PHF3: variants seen among roughly 807,000 people sequenced by gnomAD.
PHF3 encodes PHD finger protein 3.
In PHF3, 41 loss-of-function variants were observed where a neutral mutation model predicts 178.4. The observed-to-expected ratio is 0.23, with a 90% confidence interval of 0.18 to 0.30. The LOEUF (loss-of-function observed/expected upper bound fraction) is 0.30. Among genes scored for constraint, PHF3 ranks in the 10% least tolerant of loss-of-function variants. The pLI is 1.00. For synonymous variants in PHF3, 842 were observed against 800.5 expected (o/e 1.05, Z -0.88); for missense variants, 2,346 against 2,398.1 (o/e 0.98, Z 0.45).
intron 2 of PHF3, among the ~76,000 whole-genome samples, chr6:63,657,445 CAT>C: frequency 6.6e-6 from 1 of 152,130 alleles, no homozygotes; most frequent in Admixed American, 6.5e-5. Context: ...CTGATTAACA[CAT>C]ATTTTGTACA....
In PHF3 at chr6:63,721,200, AC is replaced by A. The variant is rs776526721; in HGVS notation, c.*7495del. On this transcript the variant is annotated 3_prime_UTR_variant, in exon 16 of 16. Coordinates refer to ENST00000262043, the MANE Select transcript of PHF3 (RefSeq NM_001370348.2). ...AGTTTTGTTTTCACAATACCTTCCC[AC>A]CCAACCCAAAGTACACAGGCAACTG... 7.7e-6 allele frequency: 12 copies of A among 1,551,712 alleles called. No individual in the cohort carries two copies. The South Asian group carries it at 1.3e-4, about 17-fold the overall frequency.
intron 4 of PHF3, among the ~76,000 whole-genome samples, chr6:63,691,109 GAA>G (rs1193870132): frequency 6.6e-6 from 1 of 152,136 alleles, no homozygotes; most frequent in East Asian, 1.9e-4. Flanking sequence ...TAAAAGTACA[GAA>G]AAAGATTCTT....
intron 3 of PHF3, among the ~76,000 whole-genome samples, chr6:63,680,760 G>A (rs1766400565): frequency 6.6e-6 from 1 of 152,122 alleles, no homozygotes; most frequent in South Asian, 2.1e-4. Flanking sequence ...AGATATTTGT[G>A]TATTTCAGGT....
At chr6:63,696,861 G>A (rs1767250310) in intron 6 of PHF3, among the ~76,000 whole-genome samples, 1 of 152,004 alleles carries the variant, frequency 6.6e-6, no homozygotes, top group African/African-American at 2.4e-5. Flanking sequence ...TGGAGCAGTA[G>A]GGAAAAAAAC....
chr6:63,655,938 C>T (rs1042210391), intron 2 of PHF3, among the ~76,000 whole-genome samples: 26 of 152,288 alleles, frequency 1.7e-4, no homozygotes, highest in Admixed American at 1.4e-3. Flanking sequence ...CCACTGTGCC[C>T]GGCCCTGCTT....
chr6:63,714,563 GCTAT>G lies in PHF3; in HGVS notation c.*860_*863del, dbSNP rs1344002786. ...ACTCAGCCAAGAACATATAGAAATA[GCTAT>G]CTATGTCAGGCATTAGATGAGGGGA... is the stretch of plus-strand genomic sequence containing the variant. On this transcript the variant is annotated 3_prime_UTR_variant, in exon 16 of 16. Transcript: ENST00000262043. 4 of 152,422 alleles carry G rather than the reference GCTAT, an allele frequency of 2.6e-5. No individual in the cohort carries two copies. Among genetic ancestry groups the G allele is most frequent in the East Asian group, 1.9e-4 (1 of 5,194 alleles). 9.4% of individuals were successfully genotyped at this position (152,422 alleles called of 1,614,324 possible). A position where few individuals can be genotyped will look rare whatever the true frequency, so the allele number is the denominator to read the frequency against.
At chr6:63,649,552 G>A (rs1165539161) in intron 2 of PHF3, among the ~76,000 whole-genome samples, 1 of 152,132 alleles carries the variant, frequency 6.6e-6, no homozygotes, top group South Asian at 2.1e-4. Flanking sequence ...TTTCGGACCA[G>A]TATTTTTGTT....
chr6:63,662,741 A>G lies in PHF3; in HGVS notation c.244+15946A>G, dbSNP rs558511437. 4.6e-5 allele frequency among the ~76,000 whole-genome samples: 7 copies of G among 152,364 alleles called. No individual in the cohort carries two copies. The South Asian group carries it at 1.5e-3, about 32-fold the overall frequency. Reference sequence around the variant, plus strand: ...ATCGTGAATGACAAATTAGTTATCAAATATGTGCTTACATAACAAGAACGA... The same window carrying G: ...ATCGTGAATGACAAATTAGTTATCAGATATGTGCTTACATAACAAGAACGA... On this transcript the variant is annotated intron_variant, in intron 2 of 15. Coordinates refer to ENST00000262043, the MANE Select transcript of PHF3 (RefSeq NM_001370348.2).
chr6:63,645,177 A>G (rs2149538252), intron 1 of PHF3, among the ~76,000 whole-genome samples: 1 of 152,156 alleles, frequency 6.6e-6, no homozygotes, highest in African/African-American at 2.4e-5. Context: ...TGGGCCTGGC[A>G]GGAAAATTGT....
At chr6:63,700,740 C>T (rs550447041) in intron 9 of PHF3, among the ~76,000 whole-genome samples, 2 of 152,200 alleles carry the variant, frequency 1.3e-5, no homozygotes, top group Non-Finnish European at 2.9e-5. Context: ...CGTGCTGCCA[C>T]GCCCAGTTAA....
At position 63,673,114 on chromosome 6, in the gene PHF3, G is replaced by A. The variant is rs78440967; in HGVS notation, c.245-6886G>A. 6.7e-4 allele frequency among the ~76,000 whole-genome samples: 102 copies of A among 151,436 alleles called. 1 individual carries two copies. In the East Asian group the frequency reaches 0.018, roughly 27 times the overall value. On this transcript the variant is annotated intron_variant, in intron 2 of 15. Coordinates refer to ENST00000262043, the MANE Select transcript of PHF3 (RefSeq NM_001370348.2). ...TTATTCTTTGTTTTGTCTATGCTTG[G>A]GATTTTTTTTTTTAATGTCAACAAT...
intron 2 of PHF3, 84 bp downstream of exon 2, chr6:63,646,879 TTTTTC>T: frequency 9.8e-7 from 1 of 1,018,338 alleles, no homozygotes; most frequent in Admixed American, 4.1e-5. Flanking sequence ...CTTTTTTCTT[TTTTTC>T]TTTTTTTTTT....
rs199651363 is a variant in PHF3, at chr6:63,685,306, G to C, written c.1584G>C (p.Val528=). 2.5e-6 allele frequency: 4 copies of C among 1,613,888 alleles called. No individual in the cohort carries two copies. Among genetic ancestry groups the C allele is most frequent in the Non-Finnish European group, 3.4e-6 (4 of 1,179,990 alleles). ...AAACTAAAGTTAATGTCAAAAGTGT[G>C]AAACGAAATACTGATGTACCAGAAT... ...HSKTKVNVKS[V]KRNTDVPESQ... is the part of the protein sequence containing the mutation. The change falls in exon 4 of 16, where the codon GTG becomes GTC. Residue 528 remains valine (V), a synonymous_variant. Transcript: ENST00000262043.
intron 1 of PHF3, among the ~76,000 whole-genome samples, chr6:63,639,638 A>G (rs1276884601): frequency 6.6e-6 from 1 of 152,162 alleles, no homozygotes; most frequent in Non-Finnish European, 1.5e-5. Flanking sequence ...ATGTAGGAAT[A>G]TTGGGTATGT....
rs1481350200 is a variant in PHF3 at position 63,716,936 on chromosome 6, C to G, written c.*3228C>G. On this transcript the variant is annotated 3_prime_UTR_variant, in exon 16 of 16. Coordinates refer to ENST00000262043, the MANE Select transcript of PHF3 (RefSeq NM_001370348.2). ...CCATCTGTGACCTTAATTCCCTATT[C>G]CCATGTAACCTAACATATTTACAGG... Among the ~76,000 whole-genome samples the G allele has an allele frequency of 1.3e-5, 2 of 152,024 alleles. No individual in the cohort carries two copies. The highest frequency in any genetic ancestry group is 4.8e-5 in the African/African-American group (2 of 41,424).
At chr6:63,704,464 GC>G (rs566086200) in intron 11 of PHF3, among the ~76,000 whole-genome samples, 415 of 149,750 alleles carry the variant, frequency 2.8e-3, no homozygotes, top group Non-Finnish European at 4.8e-3. Context: ...CTGTAGTTTT[GC>G]TTTTTTCAGA....
intron 4 of PHF3, among the ~76,000 whole-genome samples, chr6:63,688,874 G>C (rs1766869820): frequency 6.6e-6 from 1 of 152,130 alleles, no homozygotes; most frequent in African/African-American, 2.4e-5. Context: ...TTGTTAATAT[G>C]ACACATTTTC....
chr6:63,674,369 T>C (rs1408954591), intron 2 of PHF3, among the ~76,000 whole-genome samples: 1 of 108,558 alleles, frequency 9.2e-6, no homozygotes, highest in Non-Finnish European at 2.1e-5. Flanking sequence ...TGTTTTAAAA[T>C]GTATCGTAAA....
chr6:63,652,735 C>T (rs867329298), intron 2 of PHF3, among the ~76,000 whole-genome samples: 30 of 152,030 alleles, frequency 2.0e-4, no homozygotes, highest in African/African-American at 6.8e-4. Context: ...GGTTTAGTTT[C>T]GTTTTTCTGC....
Sources: gnomAD v4.1 joint callset for allele counts (sites outside exome capture counted in the v4.1 genomes callset) on GRCh38, gnomAD v4.1.1 for gene constraint, MANE v1.5 for transcripts, NCBI Gene and HGNC (gene_info 2026-07-23, HGNC 2026-07-21) for gene names.